The following PFN2 variants were observed in gnomAD, a reference collection of about 807,000 sequenced individuals.
PFN2 encodes the protein profilin-2.
PFN2 carries 8 observed loss-of-function variants against 15.3 expected under a neutral mutation model. The ratio of observed to expected loss-of-function variants is 0.52; its 90% confidence interval spans 0.31 to 0.95. The LOEUF is 0.95. Ranked by LOEUF, PFN2 falls within the 40% of genes least tolerant of loss-of-function variation. The probability of loss-of-function intolerance (pLI) is 0.05; values close to 1 mark genes in which losing one functional copy is unlikely to be tolerated. For synonymous variants in PFN2, 79 were observed against 67.9 expected (o/e 1.16, Z -0.81); for missense variants, 111 against 182.3 (o/e 0.61, Z 2.25).
chr3:149,968,579 AACACAC>A, intron 1 of PFN2, 29 bp from the exon 2 acceptor site: 2 of 1,272,566 alleles, frequency 1.6e-6, no homozygotes, highest in Non-Finnish European at 2.1e-6. Flanking sequence ...AAAAAAAAAA[AACACAC>A]ACACATTAAG....
In PFN2 at chr3:149,965,415, A is replaced by G; in HGVS notation, c.*1074T>C. ...TAGAGCTGGTGTGCAAAGAAAAAGG[A>G]AGAAAAATCTGAGCTATTGCAATGA... is the stretch of plus-strand genomic sequence containing the variant. On this transcript the variant is annotated 3_prime_UTR_variant, in exon 3 of 3. Transcript: ENST00000239940. 1 of 1,448,380 alleles carries G rather than the reference A, an allele frequency of 6.9e-7. No individual in the cohort carries two copies. The highest frequency in any genetic ancestry group is 9.0e-7 in the Non-Finnish European group (1 of 1,108,984). The allele number at this position is 1,448,380 out of a possible 1,614,324, so 89.7% of individuals were successfully genotyped here.
In PFN2 at chr3:149,966,039, G is replaced by A. The variant is rs1193183662; in HGVS notation, c.*450C>T. On this transcript the variant is annotated 3_prime_UTR_variant, in exon 3 of 3. Coordinates refer to ENST00000239940, the MANE Select transcript of PFN2 (RefSeq NM_053024.4). ...GGTTAACATACAAATGATCCATTGG[G>A]CAAACAGGAATCATGACATTAGAAA... The A allele has an allele frequency of 4.0e-6, 6 of 1,497,758 alleles. No homozygotes were observed. Among genetic ancestry groups the A allele is most frequent in the Non-Finnish European group, 4.4e-6 (5 of 1,128,300 alleles). The allele number at this position is 1,497,758 out of a possible 1,614,324, so 92.8% of individuals were successfully genotyped here. A position where few individuals can be genotyped will look rare whatever the true frequency, so the allele number is the denominator to read the frequency against.
At chr3:149,967,109 CAAATT>C (rs1345284886) in intron 2 of PFN2, among the ~76,000 whole-genome samples, 3 of 152,100 alleles carry the variant, frequency 2.0e-5, no homozygotes, top group South Asian at 2.1e-4. Context: ...CAGAAAAGGC[CAAATT>C]AAATTATTTA....
Position 149,965,140 on chromosome 3 carries a change from A to G in PFN2, c.*1349T>C. 3 of 1,131,390 alleles carry G rather than the reference A, an allele frequency of 2.7e-6. No individual in the cohort carries two copies. Among genetic ancestry groups the G allele is most frequent in the East Asian group, 2.6e-5 (1 of 38,372 alleles). 70.1% of individuals were successfully genotyped at this position (1,131,390 alleles called of 1,614,324 possible). A position where few individuals can be genotyped will look rare whatever the true frequency, so the allele number is the denominator to read the frequency against. On this transcript the variant is annotated 3_prime_UTR_variant, in exon 3 of 3. Transcript: ENST00000239940. ...TCCCTAAAGTAGTGCCATTCGAAAGAAACCCTTAATAGGTCAGTTAAAATC... is the reference window on the plus strand; with the variant it reads ...TCCCTAAAGTAGTGCCATTCGAAAGGAACCCTTAATAGGTCAGTTAAAATC...
intron 1 of PFN2, chr3:149,970,377 G>A (rs887101331): frequency 1.7e-5 from 3 of 171,684 alleles, no homozygotes; most frequent in Non-Finnish European, 3.7e-5. Context: ...GAGAACCTAG[G>A]GGAACCGCAC....
chr3:149,968,194 T>TA (rs1466557619), intron 2 of PFN2, 164 bp downstream of exon 2: 1 of 610,350 alleles, frequency 1.6e-6, no homozygotes, highest in African/African-American at 1.8e-5. Context: ...ATAGATGCTG[T>TA]AGAGTAGGTA....
At chr3:149,970,701 G>C (rs1392137772) in intron 1 of PFN2, 24 bp downstream of exon 1, 1 of 1,493,078 alleles carries the variant, frequency 6.7e-7, no homozygotes, top group Non-Finnish European at 9.0e-7. Context: ...AGGGACCAGG[G>C]TACCGGCCGC....
chr3:149,967,720 A>T (rs1212345446), intron 2 of PFN2, among the ~76,000 whole-genome samples: 1 of 152,224 alleles, frequency 6.6e-6, no homozygotes, highest in Non-Finnish European at 1.5e-5. Flanking sequence ...TGCAATTAAG[A>T]GTTTCTATAA....
Position 149,966,683 on chromosome 3 carries a change from A to T in PFN2, c.326-97T>A, listed in dbSNP as rs1431347206. 2.0e-5 allele frequency: 19 copies of T among 931,794 alleles called. No homozygotes were observed. In the East Asian group the frequency reaches 2.2e-4, roughly 11 times the overall value. The allele number at this position is 931,794 out of a possible 1,614,324, so 57.7% of individuals were successfully genotyped here. On this transcript the variant is annotated intron_variant, in intron 2 of 2. Transcript: ENST00000239940. ...GAACCCGGATTAATAAGTTAACATT[A>T]AGTTAGTTTTCCATGAACTGCCAAG...
At chr3:149,970,645 GC>G (rs1692056980) in intron 1 of PFN2, 79 bp downstream of exon 1, 2 of 1,377,228 alleles carry the variant, frequency 1.5e-6, no homozygotes, top group Admixed American at 2.7e-5. Context: ...CAGTGTTCCA[GC>G]CCCGCGCTGC....
At position 149,965,466 on chromosome 3, in the gene PFN2, G is replaced by A; in HGVS notation, c.*1023C>T. The A allele has an allele frequency of 7.0e-7, 1 of 1,433,996 alleles. No individual in the cohort carries two copies. Among genetic ancestry groups the A allele is most frequent in the Non-Finnish European group, 9.1e-7 (1 of 1,101,922 alleles). The allele number at this position is 1,433,996 out of a possible 1,614,324, so 88.8% of individuals were successfully genotyped here. On this transcript the variant is annotated 3_prime_UTR_variant, in exon 3 of 3. Transcript: ENST00000239940. ...TGGAATGTCCCTGGGGATTCAATCA[G>A]TATGGTTACTGTAAGGTCATGGGAG...
chr3:149,966,364 G>C lies in PFN2; in HGVS notation c.*125C>G. 2 of 1,589,100 alleles carry C rather than the reference G, an allele frequency of 1.3e-6. No individual in the cohort carries two copies. The highest frequency in any genetic ancestry group is 1.7e-6 in the Non-Finnish European group (2 of 1,169,346). On this transcript the variant is annotated 3_prime_UTR_variant, in exon 3 of 3. Transcript: ENST00000239940. ...TTCCCCACCAACAGAGGGATACAAA[G>C]GAGACACAGGTTCATACCCCATCAC...
rs1474171900 is a variant in PFN2 at position 149,966,223 on chromosome 3, T to C, written c.*266A>G. 6.2e-7 allele frequency: 1 copy of C among 1,613,736 alleles called. No homozygotes were observed. Among genetic ancestry groups the C allele is most frequent in the African/African-American group, 1.3e-5 (1 of 75,024 alleles). ...AGTTCATATGCTTTCTTGTTAAGTG[T>C]GCCTCCGTGGACACCTTCCTTTCCC... is the stretch of plus-strand genomic sequence containing the variant. On this transcript the variant is annotated 3_prime_UTR_variant, in exon 3 of 3. Coordinates refer to ENST00000239940, the MANE Select transcript of PFN2 (RefSeq NM_053024.4).
intron 1 of PFN2, among the ~76,000 whole-genome samples, chr3:149,970,013 A>C (rs2108631420): frequency 6.6e-6 from 1 of 151,746 alleles, no homozygotes; most frequent in East Asian, 1.9e-4. Context: ...CCATATGAGA[A>C]GAGAAATCAA....
chr3:149,967,357 T>C (rs1363955964), intron 2 of PFN2, among the ~76,000 whole-genome samples: 4 of 152,232 alleles, frequency 2.6e-5, no homozygotes, highest in African/African-American at 9.6e-5. Flanking sequence ...CAGCGTATAG[T>C]GCAGCTAAGG....
Position 149,965,242 on chromosome 3 carries a change from G to T in PFN2, c.*1247C>A, listed in dbSNP as rs1206867156. 1 of 1,534,082 alleles carries T rather than the reference G, an allele frequency of 6.5e-7. No homozygotes were observed. Among genetic ancestry groups the T allele is most frequent in the Non-Finnish European group, 8.7e-7 (1 of 1,146,168 alleles). On this transcript the variant is annotated 3_prime_UTR_variant, in exon 3 of 3. Coordinates refer to ENST00000239940, the MANE Select transcript of PFN2 (RefSeq NM_053024.4). ...TATGAAAAAAATTCATCACAAGACA[G>T]CCAAGTCCACAATAATGCAACTTCA...
Position 149,970,874 on chromosome 3 carries a change from T to A in PFN2, c.-18A>T, listed in dbSNP as rs1285234612. 7.5e-7 allele frequency: 1 copy of A among 1,327,474 alleles called. No individual in the cohort carries two copies. Among genetic ancestry groups the A allele is most frequent in the Admixed American group, 2.7e-5 (1 of 36,552 alleles). 82.2% of individuals were successfully genotyped at this position (1,327,474 alleles called of 1,614,324 possible). A position where few individuals can be genotyped will look rare whatever the true frequency, so the allele number is the denominator to read the frequency against. ...CCGGCCATCTTCGAGCCCTTCGCAC[T>A]GCAGCGCGGACGGCGAGGAGCAGCA... On this transcript the variant is annotated 5_prime_UTR_variant, in exon 1 of 3. Transcript: ENST00000239940.
rs1446428130 is a variant in PFN2, at chr3:149,966,146, A to G, written c.*343T>C. 1 of 1,609,052 alleles carries G rather than the reference A, an allele frequency of 6.2e-7. No individual in the cohort carries two copies. Among genetic ancestry groups the G allele is most frequent in the Admixed American group, 1.7e-5 (1 of 59,054 alleles). Reference sequence around the variant, plus strand: ...AGGGTTGTTGATGAAGACAGTTGCTAGGTAGATGGGGAGAGGCTGCTTACA... The same window carrying G: ...AGGGTTGTTGATGAAGACAGTTGCTGGGTAGATGGGGAGAGGCTGCTTACA... On this transcript the variant is annotated 3_prime_UTR_variant, in exon 3 of 3. Transcript: ENST00000239940.
At chr3:149,970,396 A>C in intron 1 of PFN2, 2 of 192,084 alleles carry the variant, frequency 1.0e-5, no homozygotes, top group East Asian at 1.3e-4. Context: ...ACTAGGAGGA[A>C]AAAAGGAACC....
Sources: gnomAD v4.1 joint callset for allele counts (sites outside exome capture counted in the v4.1 genomes callset) on GRCh38, gnomAD v4.1.1 for gene constraint, MANE v1.5 for transcripts, NCBI Gene and HGNC (gene_info 2026-07-23, HGNC 2026-07-21) for gene names.